SPNS3: variants seen among roughly 807,000 people sequenced by gnomAD.
SPNS3 encodes the protein protein spinster homolog 3.
In SPNS3, 51 loss-of-function variants were observed where a neutral mutation model predicts 54.4. That is an observed-to-expected ratio of 0.94 (90% CI 0.75 to 1.18). The LOEUF (loss-of-function observed/expected upper bound fraction) is 1.18, where lower values mean the gene tolerates loss of function less well. SPNS3 is among the 50% of genes most tolerant of loss of function. The pLI, the probability that SPNS3 is intolerant of heterozygous loss-of-function variation, is 0.00. For missense variants in SPNS3, 669 were observed against 677.4 expected (o/e 0.99, Z 0.14); for synonymous variants, 309 against 294.7 (o/e 1.05, Z -0.50).
intron 7 of SPNS3, 50 bp downstream of exon 7, chr17:4,449,437 G>C: frequency 6.5e-7 from 1 of 1,526,928 alleles, no homozygotes; most frequent in African/African-American, 1.4e-5. Flanking sequence ...GGGGGCTCTT[G>C]CTGAGGAAGT....
intron 9 of SPNS3, among the ~76,000 whole-genome samples, chr17:4,482,934 G>A (rs1163081798): frequency 6.6e-6 from 1 of 152,212 alleles, no homozygotes; most frequent in East Asian, 1.9e-4. Flanking sequence ...AGCAGAAGGG[G>A]AGCTCATTCC....
intron 9 of SPNS3, chr17:4,481,835 C>A (rs1972157400): frequency 6.6e-6 from 1 of 151,848 alleles, no homozygotes; most frequent in African/African-American, 2.4e-5. Flanking sequence ...GGCGTGTGGG[C>A]CCCACTGACT....
rs112270166 is a variant in SPNS3, at chr17:4,463,952, G to A, written c.1113+10747G>A. ...GCAGATAACTGCGTGGGACGTGCCT[G>A]TGTGCACATGTGGACCTGCAGCTAA... On this transcript the variant is annotated intron_variant, in intron 8 of 11. Transcript: ENST00000355530. Among the ~76,000 whole-genome samples the A allele has an allele frequency of 3.7e-3, 569 of 152,318 alleles. 2 individuals are homozygous for A. Among genetic ancestry groups the A allele is most frequent in the African/African-American group, 0.013 (545 of 41,564 alleles).
At chr17:4,476,452 T>C (rs1298423113) in intron 8 of SPNS3, among the ~76,000 whole-genome samples, 2 of 151,838 alleles carry the variant, frequency 1.3e-5, no homozygotes, top group African/African-American at 4.8e-5. Flanking sequence ...GGGGAGCTGG[T>C]TGGGGGACAG....
At chr17:4,481,258 G>T (rs1422165133) in intron 9 of SPNS3, among the ~76,000 whole-genome samples, 1 of 151,902 alleles carries the variant, frequency 6.6e-6, no homozygotes, top group African/African-American at 2.4e-5. Context: ...TGAGCTGGGG[G>T]TGGAATCCAG....
intron 8 of SPNS3, among the ~76,000 whole-genome samples, chr17:4,477,969 C>CT (rs1972051147): frequency 2.3e-5 from 2 of 86,486 alleles, no homozygotes; most frequent in Non-Finnish European, 4.5e-5. Flanking sequence ...TTTCACTTTT[C>CT]CTTTTTTTTT....
intron 7 of SPNS3, among the ~76,000 whole-genome samples, chr17:4,451,421 T>C (rs1395700727): frequency 1.3e-5 from 2 of 151,868 alleles, no homozygotes; most frequent in Non-Finnish European, 2.9e-5. Flanking sequence ...CCAGCTAATT[T>C]TTGTACTTTT....
At chr17:4,452,400 A>T (rs925582425) in intron 7 of SPNS3, among the ~76,000 whole-genome samples, 3 of 152,042 alleles carry the variant, frequency 2.0e-5, no homozygotes, top group African/African-American at 7.2e-5. Context: ...GGAAGGATGT[A>T]CAAGGGGAAG....
Position 4,486,966 on chromosome 17 carries a change from G to C in SPNS3, c.1450+383G>C, listed in dbSNP as rs991419712. ...AGGCGGGCGGATTACAAGGTTAGGA[G>C]TTCAAGACCAGCCTGGGCAACATGG... is the stretch of plus-strand genomic sequence containing the variant. On this transcript the variant is annotated intron_variant, in intron 11 of 11. Coordinates refer to ENST00000355530, the MANE Select transcript of SPNS3 (RefSeq NM_182538.5). The surrounding 1 kb of genome is among the most constrained non-coding windows in gnomAD (Gnocchi z 5.5). 9.9e-5 allele frequency among the ~76,000 whole-genome samples: 15 copies of C among 152,194 alleles called. No homozygotes were observed. Among genetic ancestry groups the C allele is most frequent in the Admixed American group, 5.2e-4 (8 of 15,290 alleles).
At chr17:4,484,331 TA>T (rs1282766504) in intron 9 of SPNS3, among the ~76,000 whole-genome samples, 3 of 152,240 alleles carry the variant, frequency 2.0e-5, no homozygotes, top group African/African-American at 7.2e-5. Context: ...ATTTTATTAT[TA>T]TTTTTTGAGA....
intron 9 of SPNS3, chr17:4,482,135 C>T (rs995421070): frequency 6.6e-6 from 1 of 152,344 alleles, no homozygotes; most frequent in Non-Finnish European, 1.5e-5. Flanking sequence ...ATCCGCCCCC[C>T]TTGGCCTCCC....
At chr17:4,464,994 T>G (rs1971639928) in intron 8 of SPNS3, among the ~76,000 whole-genome samples, 1 of 152,238 alleles carries the variant, frequency 6.6e-6, no homozygotes, top group Non-Finnish European at 1.5e-5. Context: ...CCTGTTCTAA[T>G]TACTATGCAT....
chr17:4,461,361 C>CTTTTTTTTTTTTTTTTTTT lies in SPNS3; in HGVS notation c.1113+8164_1113+8182dup, dbSNP rs55928003. On this transcript the variant is annotated intron_variant, in intron 8 of 11. Coordinates refer to ENST00000355530, the MANE Select transcript of SPNS3 (RefSeq NM_182538.5). The stretch of plus-strand genomic sequence containing the variant: ...TATTTGCTTTCTTTTCTTTTCTTTT[C>CTTTTTTTTTTTTTTTTTTT]TTTTTTTTTTTTTTTTTTTTTTTTT... Among the ~76,000 whole-genome samples the CTTTTTTTTTTTTTTTTTTT allele has an allele frequency of 3.5e-3, 118 of 33,428 alleles. 12 individuals carry two copies. Among genetic ancestry groups the CTTTTTTTTTTTTTTTTTTT allele is most frequent in the Non-Finnish European group, 4.9e-3 (81 of 16,588 alleles). The allele number at this position is 33,428 out of a possible 152,430, so 21.9% of individuals were successfully genotyped here. A position where few individuals can be genotyped will look rare whatever the true frequency, so the allele number is the denominator to read the frequency against.
At position 4,473,014 on chromosome 17, in the gene SPNS3, C is replaced by T. The variant is rs569144035; in HGVS notation, c.1114-5558C>T. Among the ~76,000 whole-genome samples, 4 of 152,008 alleles carry T rather than the reference C, an allele frequency of 2.6e-5. No homozygotes were observed. The South Asian group carries it at 8.3e-4, about 32-fold the overall frequency. On this transcript the variant is annotated intron_variant, in intron 8 of 11. Coordinates refer to ENST00000355530, the MANE Select transcript of SPNS3 (RefSeq NM_182538.5). ...ATGTTGTCCAGGCTGGTCTTGAACT[C>T]CTGGGCTCAAGCAATCCTCCTGCCT...
chr17:4,459,767 C>T (rs10438721), intron 8 of SPNS3, among the ~76,000 whole-genome samples: 23,153 of 151,638 alleles, frequency 0.15, 2,730 homozygotes, highest in African/African-American at 0.34. Flanking sequence ...ATAAAACAGA[C>T]AAAAATGTCT....
chr17:4,451,890 G>A (rs1009911253), intron 7 of SPNS3, among the ~76,000 whole-genome samples: 2 of 151,266 alleles, frequency 1.3e-5, no homozygotes, highest in Non-Finnish European at 2.9e-5. Context: ...TATCGGCCAG[G>A]CTGGTCTTGA....
rs2144266823 is a variant in SPNS3 at position 4,488,130 on chromosome 17, G to A, written c.*236G>A. 2 of 564,622 alleles carry A rather than the reference G, an allele frequency of 3.5e-6. No individual in the cohort carries two copies. 35.0% of individuals were successfully genotyped at this position (564,622 alleles called of 1,614,324 possible). ...TCCCGCTCAAGGCTGCCCCAGCCTG[G>A]GGTCTCCAGCCTGGCTGCTGCTGGG... On this transcript the variant is annotated 3_prime_UTR_variant, in exon 12 of 12. Coordinates refer to ENST00000355530, the MANE Select transcript of SPNS3 (RefSeq NM_182538.5).
chr17:4,473,339 G>C lies in SPNS3; in HGVS notation c.1114-5233G>C, dbSNP rs114944976. ...GCCACCACTGCACAGAGCAGAGCCA[G>C]CATGGCTGTCACTGAGGCCTTTAGA... On this transcript the variant is annotated intron_variant, in intron 8 of 11. Coordinates refer to ENST00000355530, the MANE Select transcript of SPNS3 (RefSeq NM_182538.5). 4.5e-3 allele frequency among the ~76,000 whole-genome samples: 684 copies of C among 151,118 alleles called. 6 individuals carry two copies. Among genetic ancestry groups the C allele is most frequent in the African/African-American group, 0.016 (645 of 41,132 alleles).
intron 2 of SPNS3, among the ~76,000 whole-genome samples, chr17:4,440,225 C>G (rs1970814707): frequency 1.3e-5 from 2 of 152,198 alleles, no homozygotes; most frequent in African/African-American, 2.4e-5. Flanking sequence ...GCCACACGTC[C>G]CATCGCAACA....
Sources: allele counts gnomAD v4.1 joint callset (sites outside exome capture counted in the v4.1 genomes callset), GRCh38; gene constraint gnomAD v4.1.1; non-coding constraint Gnocchi (gnomAD v3.1); transcripts MANE v1.5; gene names NCBI Gene and HGNC (gene_info 2026-07-23, HGNC 2026-07-21).